LPCAT4: variants seen among roughly 807,000 people sequenced by gnomAD.
LPCAT4 encodes the protein lysophospholipid acyltransferase LPCAT4.
LPCAT4 carries 30 observed loss-of-function variants against 66.5 expected under a neutral mutation model. The observed-to-expected ratio is 0.45, with a 90% confidence interval of 0.34 to 0.61. The LOEUF (loss-of-function observed/expected upper bound fraction) is 0.61, where lower values mean the gene tolerates loss of function less well. LPCAT4 is among the 20% of genes least tolerant of loss of function. LPCAT4 has a pLI of 0.01. For synonymous variants in LPCAT4, 253 were observed against 262.1 expected, an observed-to-expected ratio of 0.97 and a Z score of 0.34; for missense variants, 557 against 656.7, an observed-to-expected ratio of 0.85 and a Z score of 1.66.
intron 11 of LPCAT4, 138 bp downstream of exon 11, chr15:34,361,262 G>GT: frequency 6.6e-7 from 1 of 1,507,388 alleles, no homozygotes; most frequent in Non-Finnish European, 8.8e-7. Flanking sequence ...GTGGATCTCA[G>GT]GGGATGGCCA....
Position 34,366,972 on chromosome 15 carries a change from C to A in LPCAT4, c.114+15G>T. 6.4e-7 allele frequency: 1 copy of A among 1,550,832 alleles called. No homozygotes were observed. Among genetic ancestry groups the A allele is most frequent in the East Asian group, 2.4e-5 (1 of 41,606 alleles). ...TCCTCACGGGTCCTTCCGACGCCCG[C>A]TCCCCACACATTACCTTAACCCTCT... is the stretch of plus-strand genomic sequence containing the variant. On this transcript the variant is annotated intron_variant, in intron 1 of 13. Coordinates refer to ENST00000314891, the MANE Select transcript of LPCAT4 (RefSeq NM_153613.3).
Position 34,358,965 on chromosome 15 carries a change from G to T in LPCAT4, c.*162C>A. On this transcript the variant is annotated 3_prime_UTR_variant, in exon 14 of 14. Transcript: ENST00000314891. The stretch of plus-strand genomic sequence containing the variant: ...TAGATTTATATTTATATATAAAATA[G>T]TTTTTTACAAAAAAATCAACCAAAC... The T allele has an allele frequency of 2.3e-6, 1 of 436,956 alleles. No individual in the cohort carries two copies. The highest frequency in any genetic ancestry group is 3.8e-6 in the Non-Finnish European group (1 of 261,642). The allele number at this position is 436,956 out of a possible 1,614,324, so 27.1% of individuals were successfully genotyped here.
In LPCAT4 at chr15:34,365,605, C is replaced by A. The variant is rs760580731; in HGVS notation, c.211G>T (p.Gly71Cys). ...LWPFAWLQVA[G>C]LSEEQLQEPI... ...TCCTGAAGCTGCTCCTCACTAAGAC[C>A]GGCCACTTGAAGCCAGGCAAAGGGC... Residue 71 changes from glycine (G) to cysteine (C), a missense_variant, in exon 2 of 14, where the codon GGT (glycine) becomes TGT (cysteine). Gly to Cys is a radical substitution (Grantham distance 159). Coordinates refer to ENST00000314891, the MANE Select transcript of LPCAT4 (RefSeq NM_153613.3). 2 of 1,614,196 alleles carry A rather than the reference C, an allele frequency of 1.2e-6. No homozygotes were observed. The highest frequency in any genetic ancestry group is 1.1e-5 in the South Asian group (1 of 91,076).
At chr15:34,360,573 G>A (rs1310282369) in intron 11 of LPCAT4, among the ~76,000 whole-genome samples, 2 of 152,224 alleles carry the variant, frequency 1.3e-5, no homozygotes, top group African/African-American at 2.4e-5. Context: ...AGAAGAACTG[G>A]TCCAACAGAT....
chr15:34,363,939 G>C lies in LPCAT4; in HGVS notation c.652+74C>G. On this transcript the variant is annotated intron_variant, in intron 5 of 13. Coordinates refer to ENST00000314891, the MANE Select transcript of LPCAT4 (RefSeq NM_153613.3). This position sits in a 1 kb window ranked among gnomAD's most constrained non-coding sequence, Gnocchi z 4.3. ...TCCCTCCCCCTCTTCTACTTCTTGG[G>C]TTATTTCAGAGTCCCTCCCCAAATC... 1 of 1,499,164 alleles carries C rather than the reference G, an allele frequency of 6.7e-7. No homozygotes were observed. Among genetic ancestry groups the C allele is most frequent in the Non-Finnish European group, 9.2e-7 (1 of 1,081,244 alleles). 92.9% of individuals were successfully genotyped at this position (1,499,164 alleles called of 1,614,324 possible). A position where few individuals can be genotyped will look rare whatever the true frequency, so the allele number is the denominator to read the frequency against.
At chr15:34,366,830 C>T in intron 1 of LPCAT4, 157 bp downstream of exon 1, 2 of 1,123,832 alleles carry the variant, frequency 1.8e-6, no homozygotes. Context: ...CTTGCCCAAC[C>T]GCGGCCGCCC....
chr15:34,365,138 G>A lies in LPCAT4; in HGVS notation c.348C>T (p.Ala116=). ...FLRIRVRGQR[A]SRLQAPVLVA... ...CAAGGACAGGGGCTTGAAGGCGAGA[G>A]GCTCGCTGGCCACGAACGCGAATCC... The change falls in exon 3 of 14, where the codon GCC becomes GCT. Residue 116 remains alanine, a synonymous_variant. Transcript: ENST00000314891. 6.2e-7 allele frequency: 1 copy of A among 1,614,250 alleles called. No individual in the cohort carries two copies. The highest frequency in any genetic ancestry group is 8.5e-7 in the Non-Finnish European group (1 of 1,180,050).
At chr15:34,366,865 G>T in intron 1 of LPCAT4, 122 bp downstream of exon 1, 2 of 1,455,374 alleles carry the variant, frequency 1.4e-6, no homozygotes, top group Non-Finnish European at 1.9e-6. Flanking sequence ...CCGGACTCCC[G>T]CTCCGCAAGC....
At chr15:34,362,471 G>C in intron 9 of LPCAT4, 102 bp downstream of exon 9, 1 of 1,399,186 alleles carries the variant, frequency 7.1e-7, no homozygotes. Flanking sequence ...CCTTCCCACT[G>C]CCTGCTCCTC....
intron 11 of LPCAT4, 86 bp downstream of exon 11, chr15:34,361,314 T>C: frequency 6.3e-7 from 1 of 1,576,002 alleles, no homozygotes; most frequent in East Asian, 2.2e-5. Flanking sequence ...GACTCCAAAC[T>C]GTGAGTGACT....
chr15:34,366,472 C>T (rs772290343), intron 1 of LPCAT4, among the ~76,000 whole-genome samples: 16 of 152,164 alleles, frequency 1.1e-4, no homozygotes, highest in Admixed American at 3.9e-4. Context: ...CTCCCTGCCC[C>T]CACCGGGAGG....
Position 34,364,174 on chromosome 15 carries a change from G to T in LPCAT4, c.591+20C>A. 1 of 1,594,080 alleles carries T rather than the reference G, an allele frequency of 6.3e-7. No homozygotes were observed. Among genetic ancestry groups the T allele is most frequent in the Non-Finnish European group, 8.6e-7 (1 of 1,161,572 alleles). On this transcript the variant is annotated intron_variant, in intron 4 of 13. Transcript: ENST00000314891. ...GGAGCACATGGAAAGTGAGAAGATG[G>T]TCTTGAGACCCTTACCCACCTGCGG...
intron 11 of LPCAT4, among the ~76,000 whole-genome samples, chr15:34,360,584 T>A (rs990062899): frequency 2.0e-5 from 3 of 152,192 alleles, no homozygotes; most frequent in Admixed American, 6.5e-5. Flanking sequence ...TCCAACAGAT[T>A]GAAAGGGGGA....
Position 34,362,320 on chromosome 15 carries a change from C to T in LPCAT4, c.886G>A (p.Ala296Thr). ...ANNVQRVMAQALGIPATECEF... is the reference protein window; with the variant it reads ...ANNVQRVMAQTLGIPATECEF... ...CATTCGGTGGCTGGAATGCCCAGAG[C>T]CCTACAGGATGAAGAGGGATGGGAT... Residue 296 changes from alanine to threonine, a missense_variant and splice_region_variant, in exon 10 of 14, where the codon GCT becomes ACT. By Grantham distance (58) the Ala-to-Thr change is moderately conservative. Around this residue, in one of 4 missense-constraint regions of LPCAT4, gnomAD observed 392 missense variants for 473.9 expected, o/e 0.83. Coordinates refer to ENST00000314891, the MANE Select transcript of LPCAT4 (RefSeq NM_153613.3). The T allele has an allele frequency of 6.2e-7, 1 of 1,614,138 alleles. No homozygotes were observed. The highest frequency in any genetic ancestry group is 8.5e-7 in the Non-Finnish European group (1 of 1,180,026).
chr15:34,366,973 T>TC lies in LPCAT4; in HGVS notation c.114+13dup, dbSNP rs1053970440. ...CCTCACGGGTCCTTCCGACGCCCGC[T>TC]CCCCACACATTACCTTAACCCTCTG... On this transcript the variant is annotated intron_variant, in intron 1 of 13. Coordinates refer to ENST00000314891, the MANE Select transcript of LPCAT4 (RefSeq NM_153613.3). 9 of 1,506,886 alleles carry TC rather than the reference T, an allele frequency of 6.0e-6. No homozygotes were observed. Among genetic ancestry groups the TC allele is most frequent in the Non-Finnish European group, 8.0e-6 (9 of 1,118,670 alleles). The allele number at this position is 1,506,886 out of a possible 1,614,324, so 93.3% of individuals were successfully genotyped here. A position where few individuals can be genotyped will look rare whatever the true frequency, so the allele number is the denominator to read the frequency against.
In LPCAT4 at chr15:34,363,049, C is replaced by A. The variant is rs918398092; in HGVS notation, c.747-213G>T. On this transcript the variant is annotated intron_variant, in intron 7 of 13. Coordinates refer to ENST00000314891, the MANE Select transcript of LPCAT4 (RefSeq NM_153613.3). This position sits in a 1 kb window ranked among gnomAD's most constrained non-coding sequence, Gnocchi z 4.3. ...CCAGAAACGCGGTAGGGAAAGAGAGCAGAGCTGCATGGATATGCCAGAGGA... is the reference window on the plus strand; with the variant it reads ...CCAGAAACGCGGTAGGGAAAGAGAGAAGAGCTGCATGGATATGCCAGAGGA... Among the ~76,000 whole-genome samples, 2 of 151,828 alleles carry A rather than the reference C, an allele frequency of 1.3e-5. No homozygotes were observed. The highest frequency in any genetic ancestry group is 1.3e-4 in the Admixed American group (2 of 15,256).
In LPCAT4 at chr15:34,358,965, GT is replaced by G. The variant is rs1001639622; in HGVS notation, c.*161del. The G allele has an allele frequency of 2.3e-6, 1 of 436,956 alleles. No individual in the cohort carries two copies. Among genetic ancestry groups the G allele is most frequent in the Admixed American group, 4.0e-5 (1 of 24,968 alleles). 27.1% of individuals were successfully genotyped at this position (436,956 alleles called of 1,614,324 possible). ...TAGATTTATATTTATATATAAAATA[GT>G]TTTTTACAAAAAAATCAACCAAACA... On this transcript the variant is annotated 3_prime_UTR_variant, in exon 14 of 14. Transcript: ENST00000314891.
chr15:34,362,544 C>G (rs1048056515), intron 9 of LPCAT4, 29 bp downstream of exon 9: 2 of 1,528,286 alleles, frequency 1.3e-6, no homozygotes, highest in African/African-American at 2.8e-5. Context: ...TGTGCAACTG[C>G]TCCAGGAAAT....
At chr15:34,364,411 CT>C (rs60508631) in intron 3 of LPCAT4, 105 bp from the exon 4 acceptor site, 193,767 of 553,428 alleles carry the variant, frequency 0.35, 15,124 homozygotes, top group Non-Finnish European at 0.39. Flanking sequence ...TCTGTTATCT[CT>C]TTTTTTTTTT....
Sources: allele counts gnomAD v4.1 joint callset (sites outside exome capture counted in the v4.1 genomes callset), GRCh38; gene constraint gnomAD v4.1.1; regional missense constraint gnomAD v4.1.1; non-coding constraint Gnocchi (gnomAD v3.1); transcripts MANE v1.5; gene names NCBI Gene and HGNC (gene_info 2026-07-23, HGNC 2026-07-21).